The following AMPH variants were observed in gnomAD, a reference collection of about 807,000 sequenced individuals.
AMPH encodes amphiphysin.
AMPH carries 49 observed loss-of-function variants against 99.1 expected under a neutral mutation model. The observed-to-expected ratio is 0.49, with a 90% CI of 0.39 to 0.63. AMPH has a LOEUF of 0.63. Ranked by LOEUF, AMPH falls within the 20% of genes least tolerant of loss-of-function variation. The pLI, the probability that AMPH is intolerant of heterozygous loss-of-function variation, is 0.00. For synonymous variants in AMPH, 314 were observed against 317.3 expected (o/e 0.99, Z 0.11); for missense variants, 759 against 863.4 (o/e 0.88, Z 1.52).
intron 2 of AMPH, among the ~76,000 whole-genome samples, chr7:38,515,569 A>T (rs778483377): frequency 1.4e-4 from 22 of 152,278 alleles, no homozygotes; most frequent in South Asian, 4.1e-4. Flanking sequence ...TTTATAAATT[A>T]CCCAGTTTCA....
intron 7 of AMPH, among the ~76,000 whole-genome samples, chr7:38,470,766 T>C (rs1172531262): frequency 6.6e-6 from 1 of 152,174 alleles, no homozygotes; most frequent in Non-Finnish European, 1.5e-5. Context: ...TTGAATTTCC[T>C]AATGATTCTT....
chr7:38,604,664 CA>C (rs1793367307), intron 1 of AMPH, among the ~76,000 whole-genome samples: 1 of 152,156 alleles, frequency 6.6e-6, no homozygotes, highest in Non-Finnish European at 1.5e-5. Context: ...GTCCTTCATC[CA>C]AAGACCCAGC....
chr7:38,442,718 C>T (rs1275607834), intron 11 of AMPH, among the ~76,000 whole-genome samples: 1 of 151,880 alleles, frequency 6.6e-6, no homozygotes, highest in East Asian at 1.9e-4. Context: ...AAATTTATAG[C>T]ACTAAACTCC....
rs149958060 is a variant in AMPH, at chr7:38,624,747, A to C, written c.69+6536T>G. ...TAAATAAAAAGGCATTTCGTTAAAC[A>C]TGGCAGGCTGACTGCATGTGCTTAT... On this transcript the variant is annotated intron_variant, in intron 1 of 20. Transcript: ENST00000356264. 2.6e-5 allele frequency among the ~76,000 whole-genome samples: 4 copies of C among 152,258 alleles called. No individual in the cohort carries two copies. In the East Asian group the frequency reaches 7.7e-4, roughly 29 times the overall value.
intron 1 of AMPH, among the ~76,000 whole-genome samples, chr7:38,586,833 A>G (rs1188085298): frequency 1.3e-5 from 2 of 152,258 alleles, no homozygotes; most frequent in African/African-American, 2.4e-5. Flanking sequence ...CCAACAGGAT[A>G]GATCTATTTT....
intron 14 of AMPH, 39 bp downstream of exon 14, chr7:38,429,803 A>C: frequency 6.3e-7 from 1 of 1,591,426 alleles, no homozygotes; most frequent in South Asian, 1.1e-5. Context: ...TGCATATCAA[A>C]TACCAAAAAA....
At chr7:38,461,934 G>A (rs530859257) in intron 10 of AMPH, among the ~76,000 whole-genome samples, 1 of 152,276 alleles carries the variant, frequency 6.6e-6, no homozygotes, top group East Asian at 1.9e-4. Context: ...ACATATAGAT[G>A]GTCCTCAACT....
At chr7:38,423,461 G>C (rs1785666200) in intron 15 of AMPH, among the ~76,000 whole-genome samples, 1 of 152,236 alleles carries the variant, frequency 6.6e-6, no homozygotes, top group Non-Finnish European at 1.5e-5. Context: ...AGATGAGCCA[G>C]TGCCTTTTGG....
In AMPH at chr7:38,602,912, C is replaced by T. The variant is rs544646535; in HGVS notation, c.69+28371G>A. On this transcript the variant is annotated intron_variant, in intron 1 of 20. Transcript: ENST00000356264. ...ACATTCTCCAAAATTACTGGTGTAT[C>T]GTCTTCAAAAAGTCAATATCCCGGC... 3.3e-5 allele frequency among the ~76,000 whole-genome samples: 5 copies of T among 152,164 alleles called. No individual in the cohort carries two copies. The East Asian group carries it at 7.7e-4, about 23-fold the overall frequency.
intron 15 of AMPH, 110 bp from the exon 16 acceptor site, chr7:38,422,587 T>TATCG: frequency 2.9e-6 from 2 of 692,016 alleles, no homozygotes; most frequent in Non-Finnish European, 4.6e-6. Flanking sequence ...TCTATCTATC[T>TATCG]ATCTATCTAT....
At chr7:38,495,600 A>ATT (rs34388679) in intron 3 of AMPH, among the ~76,000 whole-genome samples, 213 of 147,316 alleles carry the variant, frequency 1.4e-3, no homozygotes, top group African/African-American at 4.2e-3. Context: ...CCTGGCTGAG[A>ATT]TTTTTTTTTT....
At chr7:38,532,751 AAAC>A (rs202219482) in intron 2 of AMPH, among the ~76,000 whole-genome samples, 2,237 of 143,446 alleles carry the variant, frequency 0.016, 17 homozygotes, top group African/African-American at 0.027. Flanking sequence ...AAAAAAAAAA[AAAC>A]AATGAAAATT....
rs74346988 is a variant in AMPH, at chr7:38,519,896, T to C, written c.150+15035A>G. On this transcript the variant is annotated intron_variant, in intron 2 of 20. Coordinates refer to ENST00000356264, the MANE Select transcript of AMPH (RefSeq NM_001635.4). ...AACCTAGGTACCTATCAGTTGTGGATTAAATAAATAAAATGTGGTACATAT... is the reference window on the plus strand; with the variant it reads ...AACCTAGGTACCTATCAGTTGTGGACTAAATAAATAAAATGTGGTACATAT... 6.7e-4 allele frequency among the ~76,000 whole-genome samples: 102 copies of C among 152,174 alleles called. No individual in the cohort carries two copies. In the East Asian group the frequency reaches 0.018, roughly 27 times the overall value.
In AMPH at chr7:38,392,000, C is replaced by T. The variant is rs1273054447; in HGVS notation, c.1626G>A (p.Ser542=). 1.2e-6 allele frequency: 2 copies of T among 1,606,490 alleles called. No individual in the cohort carries two copies. Among genetic ancestry groups the T allele is most frequent in the South Asian group, 2.2e-5 (2 of 91,014 alleles). ...ATVPQEKVIP[S]VVIEPASNHE... is the part of the protein sequence containing the mutation. The stretch of plus-strand genomic sequence containing the variant: ...GGTTGGAGGCAGGCTCTATGACCAC[C>T]GAAGGAATGACCTTCTCCTGGGGGA... Residue 542 remains serine, a synonymous_variant, in exon 19 of 21, where the codon TCG becomes TCA. Transcript: ENST00000356264.
chr7:38,418,048 C>T, intron 16 of AMPH, 98 bp from the exon 17 acceptor site: 1 of 1,353,922 alleles, frequency 7.4e-7, no homozygotes, highest in Non-Finnish European at 1.0e-6. Flanking sequence ...TTTGTCATCC[C>T]ATAGGCAACT....
chr7:38,509,763 T>C (rs1043950480), intron 2 of AMPH, among the ~76,000 whole-genome samples: 7 of 152,180 alleles, frequency 4.6e-5, no homozygotes, highest in African/African-American at 1.7e-4. Flanking sequence ...AATATACTGG[T>C]AGGGGAGAAG....
At chr7:38,429,715 A>T in intron 14 of AMPH, 127 bp downstream of exon 14, 1 of 1,310,560 alleles carries the variant, frequency 7.6e-7, no homozygotes, top group Non-Finnish European at 1.1e-6. Context: ...GATTACATTC[A>T]TTGGCTTAAG....
intron 3 of AMPH, among the ~76,000 whole-genome samples, chr7:38,494,911 G>A (rs1788873498): frequency 6.6e-6 from 1 of 152,068 alleles, no homozygotes; most frequent in African/African-American, 2.4e-5. Flanking sequence ...AGTCCTAAAT[G>A]AATTTAAATA....
intron 1 of AMPH, among the ~76,000 whole-genome samples, chr7:38,568,593 T>C (rs1308797170): frequency 6.6e-6 from 1 of 152,252 alleles, no homozygotes; most frequent in Non-Finnish European, 1.5e-5. Flanking sequence ...GAGGCATTAT[T>C]ACGGTTACTA....
Sources: allele counts gnomAD v4.1 joint callset (sites outside exome capture counted in the v4.1 genomes callset), GRCh38; gene constraint gnomAD v4.1.1; transcripts MANE v1.5; gene names NCBI Gene and HGNC (gene_info 2026-07-23, HGNC 2026-07-21).